The following KHDRBS2 variants were observed in gnomAD, a reference collection of about 807,000 sequenced individuals.
KHDRBS2 encodes KH RNA binding domain containing, signal transduction associated 2.
KHDRBS2 carries 26 observed loss-of-function variants against 44.3 expected under a neutral mutation model. The ratio of observed to expected loss-of-function variants is 0.59; its 90% CI spans 0.43 to 0.81. The LOEUF is 0.81. Among genes scored for constraint, KHDRBS2 ranks in the 40% least tolerant of loss-of-function variants. The pLI, the probability that KHDRBS2 is intolerant of heterozygous loss-of-function variation, is 0.00. For missense variants in KHDRBS2, 476 were observed against 433.1 expected (o/e 1.10, Z -0.88); for synonymous variants, 194 against 151.1 (o/e 1.28, Z -2.08).
At chr6:61,970,773 G>T (rs776686738) in intron 4 of KHDRBS2, among the ~76,000 whole-genome samples, 7 of 152,104 alleles carry the variant, frequency 4.6e-5, no homozygotes, top group Non-Finnish European at 8.8e-5. Flanking sequence ...TCACCTACCA[G>T]TCTCATTCTT....
chr6:61,705,516 T>C (rs562371071), intron 7 of KHDRBS2, among the ~76,000 whole-genome samples: 4 of 151,854 alleles, frequency 2.6e-5, no homozygotes, highest in Non-Finnish European at 5.9e-5. Flanking sequence ...TATTTTTAGC[T>C]AATTAAGTTA....
At chr6:61,987,318 T>C (rs1775231344) in intron 3 of KHDRBS2, among the ~76,000 whole-genome samples, 1 of 152,134 alleles carries the variant, frequency 6.6e-6, no homozygotes, top group African/African-American at 2.4e-5. Flanking sequence ...ACTTCTAAAA[T>C]CCCAATTAAT....
At chr6:61,676,300 ATATAAT>A (rs1197156034), downstream of KHDRBS2, among the ~76,000 whole-genome samples, 7 of 151,876 alleles carry the variant, frequency 4.6e-5, no homozygotes, top group Non-Finnish European at 8.8e-5. Context: ...TCTCTGCTAT[ATATAAT>A]TATATTTTTC....
At chr6:62,245,533 C>T (rs1302902603) in intron 1 of KHDRBS2, among the ~76,000 whole-genome samples, 2 of 152,046 alleles carry the variant, frequency 1.3e-5, no homozygotes, top group Non-Finnish European at 2.9e-5. Context: ...ATTGAAATAA[C>T]TATTGGCCAG....
At chr6:62,074,741 C>T (rs1242027120) in intron 2 of KHDRBS2, among the ~76,000 whole-genome samples, 1 of 151,854 alleles carries the variant, frequency 6.6e-6, no homozygotes, top group Non-Finnish European at 1.5e-5. Flanking sequence ...CTTTTACCTC[C>T]TTCTATAACT....
intron 6 of KHDRBS2, among the ~76,000 whole-genome samples, chr6:61,883,219 A>C (rs1378900710): frequency 6.6e-6 from 1 of 152,008 alleles, no homozygotes; most frequent in East Asian, 1.9e-4. Flanking sequence ...ATGTTTCAAA[A>C]AAAAGATAGA....
chr6:62,222,412 A>G (rs1831057246), intron 1 of KHDRBS2, among the ~76,000 whole-genome samples: 1 of 152,110 alleles, frequency 6.6e-6, no homozygotes, highest in Non-Finnish European at 1.5e-5. Flanking sequence ...AGCACTTCTT[A>G]CATGGCAGTG....
chr6:61,999,640 T>A (rs918393749), intron 3 of KHDRBS2, among the ~76,000 whole-genome samples: 4 of 152,108 alleles, frequency 2.6e-5, no homozygotes, highest in Non-Finnish European at 5.9e-5. Context: ...ACAATTTGCA[T>A]AAATTTCACT....
At chr6:61,964,309 G>A (rs1482283107) in intron 4 of KHDRBS2, among the ~76,000 whole-genome samples, 1 of 151,968 alleles carries the variant, frequency 6.6e-6, no homozygotes, top group Non-Finnish European at 1.5e-5. Flanking sequence ...ATTGTAAGAG[G>A]CTATGTTCAT....
At chr6:61,969,419 T>C (rs1460423629) in intron 4 of KHDRBS2, among the ~76,000 whole-genome samples, 1 of 152,076 alleles carries the variant, frequency 6.6e-6, no homozygotes, top group Non-Finnish European at 1.5e-5. Context: ...GTTGTAACAA[T>C]GTGTCTGGTC....
chr6:61,754,556 T>C (rs1284020758), intron 6 of KHDRBS2, among the ~76,000 whole-genome samples: 1 of 140,574 alleles, frequency 7.1e-6, no homozygotes, highest in East Asian at 2.1e-4. Flanking sequence ...ATATGAACTA[T>C]GTTTTATGCT....
chr6:61,587,132 C>CCTGATAGCA, the KHDRBS2 span, among the ~76,000 whole-genome samples: 1 of 152,182 alleles, frequency 6.6e-6, no homozygotes, highest in East Asian at 1.9e-4. Context: ...TTATCACTCT[C>CCTGATAGCA]CTGATAGCAA....
the KHDRBS2 span, among the ~76,000 whole-genome samples, chr6:61,597,730 T>TATATATATA: frequency 2.3e-3 from 71 of 31,256 alleles, no homozygotes; most frequent in Non-Finnish European, 3.3e-3. Context: ...ATTTTGCACC[T>TATATATATA]TTTATATATA....
intron 3 of KHDRBS2, among the ~76,000 whole-genome samples, chr6:61,992,136 A>G (rs1776256884): frequency 6.6e-6 from 1 of 152,190 alleles, no homozygotes; most frequent in Admixed American, 6.5e-5. Flanking sequence ...TACTGTTGCT[A>G]CTTTTAGCTT....
intron 4 of KHDRBS2, among the ~76,000 whole-genome samples, chr6:61,902,360 G>A (rs2127344178): frequency 1.3e-5 from 2 of 152,260 alleles, no homozygotes; most frequent in South Asian, 4.1e-4. Flanking sequence ...CAGAGATTCA[G>A]TCAAAGTCAA....
At chr6:61,865,553 C>T (rs1382769767) in intron 6 of KHDRBS2, among the ~76,000 whole-genome samples, 4 of 150,878 alleles carry the variant, frequency 2.7e-5, no homozygotes, top group Non-Finnish European at 4.5e-5. Flanking sequence ...CCACTGGGTT[C>T]TTCCCACAAC....
intron 1 of KHDRBS2, among the ~76,000 whole-genome samples, chr6:62,193,199 T>C (rs115760815): frequency 2.5e-3 from 376 of 152,208 alleles, no homozygotes; most frequent in Non-Finnish European, 4.1e-3. Context: ...TATTTATATA[T>C]GTTTTCCAGG....
intron 2 of KHDRBS2, among the ~76,000 whole-genome samples, chr6:62,097,787 T>C (rs1291544349): frequency 1.1e-4 from 16 of 152,140 alleles, no homozygotes; most frequent in African/African-American, 3.1e-4. Context: ...TGTTTGTGTA[T>C]TGCACACGTT....
Position 61,752,437 on chromosome 6 carries a change from C to A in KHDRBS2, c.811-19673G>T, listed in dbSNP as rs189976670. Reference sequence around the variant, plus strand: ...AAATGCTAGTCTCTTTCCATTAAATCATGTTGCTAAATCTGCTTTTCTCTA... The same window carrying A: ...AAATGCTAGTCTCTTTCCATTAAATAATGTTGCTAAATCTGCTTTTCTCTA... On this transcript the variant is annotated intron_variant, in intron 6 of 8. Transcript: ENST00000281156. Among the ~76,000 whole-genome samples, 35 of 152,162 alleles carry A rather than the reference C, an allele frequency of 2.3e-4. No individual in the cohort carries two copies. In the East Asian group the frequency reaches 6.6e-3, roughly 29 times the overall value.
Sources: gnomAD v4.1 joint callset for allele counts (sites outside exome capture counted in the v4.1 genomes callset) on GRCh38, gnomAD v4.1.1 for gene constraint, MANE v1.5 for transcripts, NCBI Gene and HGNC (gene_info 2026-07-23, HGNC 2026-07-21) for gene names.